Variants in DHRS3 observed in about 807,000 individuals in gnomAD.
DHRS3 encodes short-chain dehydrogenase/reductase 3.
Under a neutral mutation model 27.2 loss-of-function variants are expected in DHRS3, and 14 were observed. The observed-to-expected ratio is 0.52, with a 90% CI of 0.34 to 0.81. The LOEUF (loss-of-function observed/expected upper bound fraction) is 0.81. Ranked by LOEUF, DHRS3 falls within the 30% of genes least tolerant of loss-of-function variation. The pLI is 0.01. For synonymous variants in DHRS3, 165 were observed against 175.9 expected, an observed-to-expected ratio of 0.94 and a Z score of 0.49; for missense variants, 322 against 406.2, an observed-to-expected ratio of 0.79 and a Z score of 1.78.
chr1:12,580,421 C>A, intron 2 of DHRS3, 102 bp downstream of exon 2: 1 of 1,555,212 alleles, frequency 6.4e-7, no homozygotes, highest in Non-Finnish European at 8.8e-7. Flanking sequence ...AGCCATTCTG[C>A]CATAAGCAGA....
intron 1 of DHRS3, among the ~76,000 whole-genome samples, chr1:12,605,996 A>G (rs905237267): frequency 2.0e-5 from 3 of 151,836 alleles, no homozygotes; most frequent in African/African-American, 4.8e-5. Context: ...AAAATTAGCC[A>G]GCATGGTGAC....
chr1:12,584,599 C>A (rs535041762), intron 1 of DHRS3, among the ~76,000 whole-genome samples: 3 of 151,130 alleles, frequency 2.0e-5, no homozygotes, highest in Non-Finnish European at 4.4e-5. Context: ...CACAGGTGGA[C>A]GGGGAAGGGA....
intron 1 of DHRS3, among the ~76,000 whole-genome samples, chr1:12,583,354 C>T (rs796866869): frequency 1.0e-3 from 111 of 110,270 alleles, no homozygotes; most frequent in South Asian, 2.2e-3. Flanking sequence ...CATCCATCCA[C>T]CCACCCATCC....
At chr1:12,599,546 C>T (rs1646821614) in intron 1 of DHRS3, among the ~76,000 whole-genome samples, 1 of 152,260 alleles carries the variant, frequency 6.6e-6, no homozygotes, top group Non-Finnish European at 1.5e-5. Flanking sequence ...GTCCAGACTT[C>T]ACCCCACAAC....
At chr1:12,613,599 T>C (rs753035119) in intron 1 of DHRS3, among the ~76,000 whole-genome samples, 13 of 152,182 alleles carry the variant, frequency 8.5e-5, no homozygotes, top group Non-Finnish European at 1.8e-4. Context: ...ATGGGGTTCA[T>C]AAATCTACTC....
chr1:12,569,195 C>T (rs1444858899), intron 5 of DHRS3, among the ~76,000 whole-genome samples: 2 of 88,522 alleles, frequency 2.3e-5, no homozygotes, highest in African/African-American at 4.6e-5. Context: ...CCAGCCTGGG[C>T]GACAAGAGTA....
intron 3 of DHRS3, 84 bp downstream of exon 3, chr1:12,579,209 G>A: frequency 6.2e-7 from 1 of 1,606,978 alleles, no homozygotes; most frequent in African/African-American, 1.3e-5. Context: ...CTGAGCCCAA[G>A]CCCTGGCAAA....
In DHRS3 at chr1:12,591,356, C is replaced by G. The variant is rs1646744050; in HGVS notation, c.196-10690G>C. On this transcript the variant is annotated intron_variant, in intron 1 of 5. Transcript: ENST00000616661. The surrounding 1 kb of genome is among the most constrained non-coding windows in gnomAD (Gnocchi z 4.1). ...CTCCCACGTAGCCCTGCAAAACAGG[C>G]TTTCCCTGGCTCCAGGCCCCTGTTT... is the stretch of plus-strand genomic sequence containing the variant. Among the ~76,000 whole-genome samples the G allele has an allele frequency of 2.0e-5, 3 of 152,236 alleles. No homozygotes were observed. The highest frequency in any genetic ancestry group is 7.2e-5 in the African/African-American group (3 of 41,456).
intron 1 of DHRS3, chr1:12,596,408 G>A (rs1646797962): frequency 6.6e-6 from 1 of 152,238 alleles, no homozygotes; most frequent in Non-Finnish European, 1.5e-5. Flanking sequence ...TGGGCTTTCT[G>A]GGAAGCTCAT....
chr1:12,589,105 G>A (rs562251217), intron 1 of DHRS3, among the ~76,000 whole-genome samples: 2 of 152,324 alleles, frequency 1.3e-5, no homozygotes, highest in African/African-American at 4.8e-5. Context: ...AGATGAGAAT[G>A]AGCAGGCAAG....
In DHRS3 at chr1:12,580,516, T is replaced by A. The variant is rs759338950; in HGVS notation, c.339+7A>T. The A allele has an allele frequency of 1.9e-6, 3 of 1,614,044 alleles. No homozygotes were observed. The highest frequency in any genetic ancestry group is 2.5e-6 in the Non-Finnish European group (3 of 1,180,038). Reference sequence around the variant, plus strand: ...GTGCTAGGAATAGACCCTCCCAGGCTACAGACCTTCTCCCGGACGGCCTTG... The same window carrying A: ...GTGCTAGGAATAGACCCTCCCAGGCAACAGACCTTCTCCCGGACGGCCTTG... On this transcript the variant is annotated splice_region_variant and intron_variant, in intron 2 of 5. Transcript: ENST00000616661.
rs778645972 is a variant in DHRS3 at position 12,585,219 on chromosome 1, G to GTGTCTCTGTGAGTGTGTGTCTC, written c.196-4554_196-4553insGAGACACACACTCACAGAGACA. On this transcript the variant is annotated intron_variant, in intron 1 of 5. Transcript: ENST00000616661. ...TGTGTGTGTGTCTGTGTATCTCTGT[G>GTGTCTCTGTGAGTGTGTGTCTC]TGTGTGTGTCTATGTGAGTGTGTGT... Among the ~76,000 whole-genome samples, 61 of 13,242 alleles carry GTGTCTCTGTGAGTGTGTGTCTC rather than the reference G, an allele frequency of 4.6e-3. No individual in the cohort carries two copies. The South Asian group carries it at 0.1, about 23-fold the overall frequency. The allele number at this position is 13,242 out of a possible 152,430, so 8.7% of individuals were successfully genotyped here.
At chr1:12,571,592 G>A (rs2100642017) in intron 5 of DHRS3, among the ~76,000 whole-genome samples, 1 of 148,990 alleles carries the variant, frequency 6.7e-6, no homozygotes, top group South Asian at 2.1e-4. Flanking sequence ...GTGCGGTGGT[G>A]CGATCTCGGC....
At chr1:12,609,907 A>G (rs1043340226) in intron 1 of DHRS3, among the ~76,000 whole-genome samples, 1 of 151,948 alleles carries the variant, frequency 6.6e-6, no homozygotes, top group Non-Finnish European at 1.5e-5. Context: ...CTGGAATGCT[A>G]CTGCTCCCTT....
At chr1:12,587,727 A>C (rs987370366) in intron 1 of DHRS3, among the ~76,000 whole-genome samples, 3 of 64,222 alleles carry the variant, frequency 4.7e-5, no homozygotes, top group Admixed American at 1.2e-4. Context: ...AAACCAAAAA[A>C]CAAAACAAAA....
At position 12,591,717 on chromosome 1, in the gene DHRS3, G is replaced by A. The variant is rs1646748428; in HGVS notation, c.196-11051C>T. On this transcript the variant is annotated intron_variant, in intron 1 of 5. Transcript: ENST00000616661. The surrounding 1 kb of genome is among the most constrained non-coding windows in gnomAD (Gnocchi z 4.1). ...CGAAGGGGCTATGTAATTCCAAGCG[G>A]TAAGCGGTAGAGCTGGGACCTCAAC... Among the ~76,000 whole-genome samples, 1 of 152,260 alleles carries A rather than the reference G, an allele frequency of 6.6e-6. No individual in the cohort carries two copies. The highest frequency in any genetic ancestry group is 1.5e-5 in the Non-Finnish European group (1 of 68,050).
rs778624930 is a variant in DHRS3 at position 12,617,378 on chromosome 1, GA to G, written c.-31del. On this transcript the variant is annotated 5_prime_UTR_variant, in exon 1 of 6. Coordinates refer to ENST00000616661, the MANE Select transcript of DHRS3 (RefSeq NM_004753.7). ...CGCGCCGCGGAGCCGGGCAGGGGGC[GA>G]AACTCCCCGGGCCGAGCAATACAGG... 16 of 1,588,266 alleles carry G rather than the reference GA, an allele frequency of 1.0e-5. No individual in the cohort carries two copies. In the East Asian group the frequency reaches 3.6e-4, roughly 36 times the overall value.
At position 12,617,520 on chromosome 1, in the gene DHRS3, G is replaced by GAAAAAA. The variant is rs58614555; in HGVS notation, c.-178_-173dup. 1.4e-3 allele frequency: 184 copies of GAAAAAA among 131,160 alleles called. No homozygotes were observed. The highest frequency in any genetic ancestry group is 1.7e-3 in the South Asian group (7 of 4,004). 8.1% of individuals were successfully genotyped at this position (131,160 alleles called of 1,614,324 possible). A position where few individuals can be genotyped will look rare whatever the true frequency, so the allele number is the denominator to read the frequency against. On this transcript the variant is annotated 5_prime_UTR_variant, in exon 1 of 6. Transcript: ENST00000616661. ...AATGCAAAGCACCGGGTGAGAAAAAGAAAAAAAAAAAAAAAAAAAAGATAA... is the reference window on the plus strand; with the variant it reads ...AATGCAAAGCACCGGGTGAGAAAAAGAAAAAAAAAAAAAAAAAAAAAAAAAAGATAA...
At chr1:12,606,429 C>A (rs1009492414) in intron 1 of DHRS3, among the ~76,000 whole-genome samples, 1 of 151,916 alleles carries the variant, frequency 6.6e-6, no homozygotes, top group Admixed American at 6.6e-5. Flanking sequence ...AAAACCACTG[C>A]ATCCAGATCA....
Sources: allele counts gnomAD v4.1 joint callset (sites outside exome capture counted in the v4.1 genomes callset), GRCh38; gene constraint gnomAD v4.1.1; non-coding constraint Gnocchi (gnomAD v3.1); transcripts MANE v1.5; gene names NCBI Gene and HGNC (gene_info 2026-07-23, HGNC 2026-07-21).